The following RIOK2 variants were observed in gnomAD, a reference collection of about 807,000 sequenced individuals.
RIOK2 encodes RIO kinase 2.
Under a neutral mutation model 62.4 loss-of-function variants are expected in RIOK2, and 46 were observed. The ratio of observed to expected loss-of-function variants is 0.74; its 90% CI spans 0.58 to 0.94. The LOEUF (loss-of-function observed/expected upper bound fraction) is 0.94, where lower values mean the gene tolerates loss of function less well. Ranked by LOEUF, RIOK2 falls within the 40% of genes least tolerant of loss-of-function variation. RIOK2 has a pLI of 0.00. For synonymous variants in RIOK2, 197 were observed against 216.0 expected (o/e 0.91, Z 0.77); for missense variants, 574 against 658.0 (o/e 0.87, Z 1.40).
At chr5:97,179,963 TTA>T (rs200862093) in intron 1 of RIOK2, among the ~76,000 whole-genome samples, 3 of 47,400 alleles carry the variant, frequency 6.3e-5, no homozygotes, top group African/African-American at 7.2e-5. Context: ...TAAAAGTATT[TTA>T]TATATATATA....
intron 1 of RIOK2, among the ~76,000 whole-genome samples, chr5:97,180,911 G>A (rs1268108044): frequency 6.6e-6 from 1 of 151,966 alleles, no homozygotes; most frequent in Non-Finnish European, 1.5e-5. Flanking sequence ...TAGAGCTTGG[G>A]AAAAGAGAAA....
At chr5:97,177,418 T>C (rs549564611) in intron 3 of RIOK2, 127 bp from the exon 4 acceptor site, 1 of 902,220 alleles carries the variant, frequency 1.1e-6, no homozygotes, top group Admixed American at 3.0e-5. Context: ...TGAGTATCCC[T>C]CCTTATCCAA....
At chr5:97,166,422 TTAAAG>T (rs1187245298) in intron 8 of RIOK2, 3 of 397,246 alleles carry the variant, frequency 7.6e-6, no homozygotes, top group East Asian at 1.5e-4. Flanking sequence ...GAATAAAACT[TTAAAG>T]ATAAAGGTAG....
At position 97,163,056 on chromosome 5, in the gene RIOK2, A is replaced by G; in HGVS notation, c.*5T>C. The G allele has an allele frequency of 6.2e-7, 1 of 1,603,938 alleles. No individual in the cohort carries two copies. On this transcript the variant is annotated 3_prime_UTR_variant, in exon 10 of 10. Transcript: ENST00000283109. ...ATATTAAACATATCCAAGATCCTAA[A>G]TATATTATTCTCCCCAAAAGCTGGC...
chr5:97,183,118 T>C lies in RIOK2; in HGVS notation c.66+8A>G, dbSNP rs201597178. On this transcript the variant is annotated splice_region_variant and intron_variant, in intron 1 of 9. Transcript: ENST00000283109. ...GGGAAGGGAGAACAGGAACGGCGGG[T>C]TTCTTACCGCGGTCAAGACCCTGAA... 4 of 1,597,340 alleles carry C rather than the reference T, an allele frequency of 2.5e-6. No individual in the cohort carries two copies. Among genetic ancestry groups the C allele is most frequent in the Admixed American group, 3.4e-5 (2 of 58,280 alleles).
chr5:97,168,862 C>T lies in RIOK2; in HGVS notation c.780-10G>A. 2.0e-6 allele frequency: 3 copies of T among 1,525,296 alleles called. No homozygotes were observed. Among genetic ancestry groups the T allele is most frequent in the Non-Finnish European group, 2.7e-6 (3 of 1,117,846 alleles). The allele number at this position is 1,525,296 out of a possible 1,614,324, so 94.5% of individuals were successfully genotyped here. ...ATCTCTGTCAAAATACCTGCAAAAGCAAGAATCATTTATGATATAGTCTTT... is the reference window on the plus strand; with the variant it reads ...ATCTCTGTCAAAATACCTGCAAAAGTAAGAATCATTTATGATATAGTCTTT... On this transcript the variant is annotated splice_polypyrimidine_tract_variant and intron_variant, in intron 6 of 9. Coordinates refer to ENST00000283109, the MANE Select transcript of RIOK2 (RefSeq NM_018343.3).
chr5:97,177,951 G>T (rs1749216791), intron 2 of RIOK2, 103 bp from the exon 3 acceptor site: 3 of 715,628 alleles, frequency 4.2e-6, no homozygotes, highest in Non-Finnish European at 7.0e-6. Flanking sequence ...AGTCTTCATT[G>T]GAAAAAGATA....
At chr5:97,177,613 C>A in intron 3 of RIOK2, 119 bp downstream of exon 3, 1 of 678,750 alleles carries the variant, frequency 1.5e-6, no homozygotes, top group Non-Finnish European at 2.5e-6. Context: ...TGCTTCCAAT[C>A]AACTTTCCAA....
intron 8 of RIOK2, chr5:97,166,759 G>A: frequency 1.0e-6 from 1 of 985,726 alleles, no homozygotes; most frequent in African/African-American, 1.7e-5. Flanking sequence ...CATATAGAAA[G>A]TACATTTATT....
rs1396961153 is a variant in RIOK2, at chr5:97,168,815, A to G, written c.817T>C (p.Phe273Leu). Residue 273 changes from phenylalanine (F) to leucine (L), a missense_variant, in exon 7 of 10, where the codon TTT (phenylalanine) becomes CTT (leucine). Transcript: ENST00000283109. ...CTTTCGTAGCTGAAACGTTTCATAAAGAAATCTTTAATGCATTTAACATCT... is the reference window on the plus strand; with the variant it reads ...CTTTCGTAGCTGAAACGTTTCATAAGGAAATCTTTAATGCATTTAACATCT... ...DRDVKCIKDF[F>L]MKRFSYESEL... The G allele has an allele frequency of 1.2e-6, 2 of 1,602,656 alleles. No individual in the cohort carries two copies. Among genetic ancestry groups the G allele is most frequent in the East Asian group, 4.5e-5 (2 of 44,594 alleles).
chr5:97,169,060 C>T (rs376277969), intron 6 of RIOK2, among the ~76,000 whole-genome samples: 35 of 152,292 alleles, frequency 2.3e-4, no homozygotes, highest in African/African-American at 8.2e-4. Flanking sequence ...TATAAGCTGT[C>T]AATGCCATGC....
In RIOK2 at chr5:97,169,609, C is replaced by T. The variant is rs185915890; in HGVS notation, c.780-757G>A. Reference sequence around the variant, plus strand: ...TGGAAATAGGAAGATAATGCCTCTCCTCTTTGCTCACAGGGTACTCTGGGA... The same window carrying T: ...TGGAAATAGGAAGATAATGCCTCTCTTCTTTGCTCACAGGGTACTCTGGGA... On this transcript the variant is annotated intron_variant, in intron 6 of 9. Transcript: ENST00000283109. 3.2e-4 allele frequency among the ~76,000 whole-genome samples: 49 copies of T among 152,264 alleles called. 1 individual carries two copies. The East Asian group carries it at 9.3e-3, about 29-fold the overall frequency.
intron 3 of RIOK2, 130 bp downstream of exon 3, chr5:97,177,602 C>G: frequency 1.5e-6 from 1 of 650,990 alleles, no homozygotes; most frequent in Non-Finnish European, 2.7e-6. Flanking sequence ...CTGATTTGTA[C>G]TGCTTCCAAT....
chr5:97,179,312 G>T, intron 1 of RIOK2, 119 bp from the exon 2 acceptor site: 1 of 827,180 alleles, frequency 1.2e-6, no homozygotes, highest in Non-Finnish European at 1.9e-6. Flanking sequence ...AACTAATTCT[G>T]AGACATAATC....
At chr5:97,172,510 A>G (rs1749039352) in intron 5 of RIOK2, among the ~76,000 whole-genome samples, 1 of 152,194 alleles carries the variant, frequency 6.6e-6, no homozygotes, top group South Asian at 2.1e-4. Flanking sequence ...TATCACTGTA[A>G]TCAGAATTAC....
At chr5:97,178,709 A>ACTCTACCTGCTCTTCTGCAGTC in intron 2 of RIOK2, 1 of 321,612 alleles carries the variant, frequency 3.1e-6, no homozygotes, top group Non-Finnish European at 5.7e-6. Context: ...CTTCTGCAGT[A>ACTCTACCTGCTCTTCTGCAGTC]CCTACGTGCT....
At chr5:97,173,721 G>A (rs1749081194) in intron 4 of RIOK2, among the ~76,000 whole-genome samples, 1 of 152,114 alleles carries the variant, frequency 6.6e-6, no homozygotes, top group Non-Finnish European at 1.5e-5. Context: ...AGGAAATGAG[G>A]CATTCTAAGA....
chr5:97,182,165 CAT>C (rs1210159724), intron 1 of RIOK2, among the ~76,000 whole-genome samples: 5 of 151,822 alleles, frequency 3.3e-5, no homozygotes, highest in African/African-American at 1.2e-4. Flanking sequence ...ATTTCTGTGC[CAT>C]AAGACTGAGG....
intron 4 of RIOK2, among the ~76,000 whole-genome samples, chr5:97,176,490 C>T (rs1377797991): frequency 6.6e-6 from 1 of 152,104 alleles, no homozygotes; most frequent in Non-Finnish European, 1.5e-5. Flanking sequence ...TACAGGTGGC[C>T]ACCACCATCC....
Sources: gnomAD v4.1 joint callset for allele counts (sites outside exome capture counted in the v4.1 genomes callset) on GRCh38, gnomAD v4.1.1 for gene constraint, MANE v1.5 for transcripts, NCBI Gene and HGNC (gene_info 2026-07-23, HGNC 2026-07-21) for gene names.